MYH10: variants seen among roughly 807,000 people sequenced by gnomAD.
The protein encoded by MYH10 is myosin-10.
Under a neutral mutation model 257.8 loss-of-function variants are expected in MYH10, and 55 were observed. The ratio of observed to expected loss-of-function variants is 0.21; its 90% CI spans 0.17 to 0.27. The LOEUF is 0.27. Ranked by LOEUF, MYH10 falls within the 10% of genes least tolerant of loss-of-function variation. MYH10 has a pLI of 1.00. For missense variants in MYH10, 1,631 were observed against 2,500.6 expected, an observed-to-expected ratio of 0.65 and a Z score of 7.42; for synonymous variants, 854 against 921.7, an observed-to-expected ratio of 0.93 and a Z score of 1.33.
At chr17:8,590,652 C>T (rs1014599822) in intron 3 of MYH10, among the ~76,000 whole-genome samples, 4 of 152,222 alleles carry the variant, frequency 2.6e-5, no homozygotes, top group Admixed American at 2.0e-4. Flanking sequence ...TGTTATTCTT[C>T]CTTCTGGCTG....
chr17:8,582,688 T>G (rs149369809), intron 4 of MYH10, among the ~76,000 whole-genome samples: 1 of 152,220 alleles, frequency 6.6e-6, no homozygotes, highest in Non-Finnish European at 1.5e-5. Context: ...CTCAAAGGGA[T>G]GTGCAATCCA....
rs71159599 is a variant in MYH10 at position 8,585,288 on chromosome 17, GTA to G, written c.530+3791_530+3792del. ...TATATATATGTGCATGTGTGTGTGT[GTA>G]TATATATATATATATAGCTACATAT... On this transcript the variant is annotated intron_variant, in intron 4 of 42. Transcript: ENST00000360416. 4.9e-3 allele frequency among the ~76,000 whole-genome samples: 489 copies of G among 99,336 alleles called. 8 individuals carry two copies. Among genetic ancestry groups the G allele is most frequent in the African/African-American group, 0.018 (467 of 26,556 alleles). 65.2% of individuals were successfully genotyped at this position (99,336 alleles called of 152,430 possible).
At chr17:8,622,460 T>C (rs990755169) in intron 2 of MYH10, among the ~76,000 whole-genome samples, 4 of 152,192 alleles carry the variant, frequency 2.6e-5, no homozygotes, top group African/African-American at 9.7e-5. Context: ...CCCTACTACA[T>C]CCAGTGAAGC....
chr17:8,477,187 G>A lies in MYH10; in HGVS notation c.5707-139C>T, dbSNP rs930064945. 9.8e-6 allele frequency: 9 copies of A among 918,868 alleles called. No individual in the cohort carries two copies. Among genetic ancestry groups the A allele is most frequent in the Non-Finnish European group, 1.4e-5 (9 of 627,310 alleles). The allele number at this position is 918,868 out of a possible 1,614,324, so 56.9% of individuals were successfully genotyped here. A position where few individuals can be genotyped will look rare whatever the true frequency, so the allele number is the denominator to read the frequency against. ...TGTACACGGATGTACACGCGTGCCT[G>A]GGGGCTGGTCGGAGGCTCTGTAACC... On this transcript the variant is annotated intron_variant, in intron 41 of 42. Coordinates refer to ENST00000360416, the MANE Select transcript of MYH10 (RefSeq NM_001256012.3). This position sits in a 1 kb window ranked among gnomAD's most constrained non-coding sequence, Gnocchi z 4.2.
At chr17:8,514,276 T>C (rs979964773) in intron 21 of MYH10, among the ~76,000 whole-genome samples, 1 of 152,216 alleles carries the variant, frequency 6.6e-6, no homozygotes, top group African/African-American at 2.4e-5. Context: ...TTATCGTGCC[T>C]TTAGGAGCTA....
At chr17:8,606,516 T>C (rs1208477695) in intron 2 of MYH10, among the ~76,000 whole-genome samples, 1 of 152,162 alleles carries the variant, frequency 6.6e-6, no homozygotes, top group Admixed American at 6.5e-5. Context: ...GGATTCTAAC[T>C]AACAGCCGTG....
intron 29 of MYH10, among the ~76,000 whole-genome samples, chr17:8,499,969 G>A (rs772056293): frequency 2.0e-5 from 3 of 152,120 alleles, no homozygotes; most frequent in Non-Finnish European, 4.4e-5. Context: ...GCCTTTCCAC[G>A]AACCAGCTGT....
intron 36 of MYH10, among the ~76,000 whole-genome samples, chr17:8,486,543 CAAAAAAAAAAAAAAA>C (rs67844660): frequency 4.7e-4 from 57 of 120,612 alleles, no homozygotes; most frequent in East Asian, 7.1e-4. Flanking sequence ...TATTTAGCTT[CAAAAAAAAAAAAAAA>C]AAAAAAAAAA....
intron 1 of MYH10, among the ~76,000 whole-genome samples, chr17:8,628,992 G>A (rs982458456): frequency 6.6e-6 from 1 of 152,088 alleles, no homozygotes; most frequent in Admixed American, 6.5e-5. Context: ...ATAAGGACGG[G>A]GAAGAACTGA....
chr17:8,501,024 A>G lies in MYH10; in HGVS notation c.3600-54T>C, dbSNP rs1401162690. On this transcript the variant is annotated intron_variant, in intron 28 of 42. Transcript: ENST00000360416. The stretch of plus-strand genomic sequence containing the variant: ...CAGAATTAGCTGACTGATTAAAAAC[A>G]CATTTTCTTTTTGAAAAAGTACTGT... 7 of 1,534,560 alleles carry G rather than the reference A, an allele frequency of 4.6e-6. No individual in the cohort carries two copies. The Admixed American group carries it at 1.1e-4, about 23-fold the overall frequency.
intron 29 of MYH10, 93 bp from the exon 30 acceptor site, chr17:8,499,569 A>G: frequency 9.2e-7 from 1 of 1,092,794 alleles, no homozygotes; most frequent in Non-Finnish European, 1.4e-6. Flanking sequence ...TGTGCCTAAC[A>G]CACAGTGAGT....
intron 2 of MYH10, among the ~76,000 whole-genome samples, chr17:8,611,713 G>A (rs1183606409): frequency 1.3e-5 from 2 of 152,164 alleles, no homozygotes; most frequent in African/African-American, 4.8e-5. Context: ...AGTGATCCAT[G>A]GGGGAAAAAC....
chr17:8,591,511 T>C (rs1297794899), intron 3 of MYH10, among the ~76,000 whole-genome samples: 2 of 152,206 alleles, frequency 1.3e-5, no homozygotes, highest in African/African-American at 4.8e-5. Context: ...ACTCTCAATA[T>C]GAATCTTCAG....
chr17:8,527,719 G>A (rs1317351422), intron 17 of MYH10, among the ~76,000 whole-genome samples: 2 of 152,156 alleles, frequency 1.3e-5, no homozygotes, highest in East Asian at 3.9e-4. Context: ...TCAGGTTCAC[G>A]TTGCCTCAGT....
rs771487086 is a variant in MYH10 at position 8,552,023 on chromosome 17, T to C, written c.919+23A>G. ...AAGAGATATTCCAGTGAATATAAAA[T>C]AGTAAAAACCTTTGTAACTTACACT... On this transcript the variant is annotated intron_variant, in intron 9 of 42. Transcript: ENST00000360416. The surrounding 1 kb of genome is among the most constrained non-coding windows in gnomAD (Gnocchi z 4.8). 3.1e-6 allele frequency: 4 copies of C among 1,302,008 alleles called. No individual in the cohort carries two copies. 80.7% of individuals were successfully genotyped at this position (1,302,008 alleles called of 1,614,324 possible).
Position 8,546,592 on chromosome 17 carries a change from C to T in MYH10, c.1230G>A (p.Arg410=), listed in dbSNP as rs200936909. The change falls in exon 12 of 43, where the codon CGG becomes CGA. Residue 410 remains arginine (R), a synonymous_variant. Transcript: ENST00000360416. The part of the protein sequence containing the change: ...MEFTRAILTP[R]IKVGRDYVQK... ...GCACATAGTCTCGGCCGACCTTGAT[C>T]CGGGGAGTCAGGATGGCCCGAGTAA... 2 of 1,614,080 alleles carry T rather than the reference C, an allele frequency of 1.2e-6. No individual in the cohort carries two copies. The highest frequency in any genetic ancestry group is 4.5e-5 in the East Asian group (2 of 44,880).
chr17:8,519,723 G>A (rs1384090309), intron 19 of MYH10, among the ~76,000 whole-genome samples: 1 of 152,052 alleles, frequency 6.6e-6, no homozygotes, highest in East Asian at 1.9e-4. Context: ...AACAGTGGGA[G>A]AAAGGGCACA....
chr17:8,481,465 G>T, intron 37 of MYH10, 55 bp from the exon 38 acceptor site: 1 of 1,501,382 alleles, frequency 6.7e-7, no homozygotes, highest in Non-Finnish European at 9.2e-7. Context: ...CTCACCTGTG[G>T]AATCTGACAG....
chr17:8,494,037 A>AGTATTGATTTTTCTTCTCT, intron 31 of MYH10, 152 bp from the exon 32 acceptor site: 1 of 865,228 alleles, frequency 1.2e-6, no homozygotes. Flanking sequence ...TTAAAAACAC[A>AGTATTGATTTTTCTTCTCT]CACGATAACT....
Sources: allele counts gnomAD v4.1 joint callset (sites outside exome capture counted in the v4.1 genomes callset), GRCh38; gene constraint gnomAD v4.1.1; non-coding constraint Gnocchi (gnomAD v3.1); transcripts MANE v1.5; gene names NCBI Gene and HGNC (gene_info 2026-07-23, HGNC 2026-07-21).